The following EXOSC7 variants were observed in gnomAD, a reference collection of about 807,000 sequenced individuals.
EXOSC7 encodes the protein exosome complex component RRP42.
A neutral mutation model predicts 34.3 loss-of-function variants in EXOSC7; 25 were observed. The ratio of observed to expected loss-of-function variants is 0.73; its 90% CI spans 0.53 to 1.02. The LOEUF is 1.02. Ranked by LOEUF, EXOSC7 falls within the 50% of genes least tolerant of loss-of-function variation. The pLI is 0.00. For missense variants in EXOSC7, 370 were observed against 368.5 expected (o/e 1.00, Z -0.03); for synonymous variants, 130 against 143.0 (o/e 0.91, Z 0.65).
chr3:45,001,160 A>T lies in EXOSC7; in HGVS notation c.421-378A>T, dbSNP rs566953065. ...ATAGATTTAGGGAAAGAAAAAAAAA[A>T]ATCGGTGTCCTGGCCGGGCGTGGTG... On this transcript the variant is annotated intron_variant, in intron 4 of 7. Transcript: ENST00000265564. Among the ~76,000 whole-genome samples the T allele has an allele frequency of 1.4e-3, 217 of 152,252 alleles. 3 individuals carry two copies. The highest frequency in any genetic ancestry group is 4.9e-3 in the African/African-American group (202 of 41,554).
chr3:45,005,375 A>G lies in EXOSC7; in HGVS notation c.576A>G (p.Leu192=). 6.2e-7 allele frequency: 1 copy of G among 1,614,136 alleles called. No homozygotes were observed. Among genetic ancestry groups the G allele is most frequent in the Non-Finnish European group, 8.5e-7 (1 of 1,179,986 alleles). Residue 192 remains leucine (L), a synonymous_variant, in exon 6 of 8, where the codon CTA becomes CTG. Coordinates refer to ENST00000265564, the MANE Select transcript of EXOSC7 (RefSeq NM_015004.4). ...LSDDPYDCIR[L]SVENVPCIVT... is the part of the protein sequence containing the mutation. ...ATGACCCTTATGACTGCATACGACT[A>G]AGTGTGGAGAATGTCCCCTGCATTG...
At chr3:45,001,655 C>A in intron 5 of EXOSC7, 47 bp downstream of exon 5, 1 of 1,355,032 alleles carries the variant, frequency 7.4e-7, no homozygotes, top group Non-Finnish European at 1.1e-6. Context: ...AGAACCAGAG[C>A]AGACACTTGT....
intron 5 of EXOSC7, 95 bp from the exon 6 acceptor site, chr3:45,005,196 G>C (rs1188210824): frequency 1.5e-5 from 21 of 1,426,332 alleles, no homozygotes; most frequent in Non-Finnish European, 2.0e-5. Context: ...TCTTTCTCTT[G>C]TGAGACACAG....
At chr3:44,982,214 G>A (rs1224357761) in intron 1 of EXOSC7, among the ~76,000 whole-genome samples, 1 of 152,158 alleles carries the variant, frequency 6.6e-6, no homozygotes, top group Non-Finnish European at 1.5e-5. Context: ...TCAGATCAGA[G>A]ACCAGATTGC....
At chr3:44,976,534 A>C (rs1036249023) in intron 1 of EXOSC7, among the ~76,000 whole-genome samples, 200 bp downstream of exon 1, 9 of 152,096 alleles carry the variant, frequency 5.9e-5, no homozygotes, top group Non-Finnish European at 1.2e-4. Flanking sequence ...GCGCATTTGC[A>C]GTTTTGCGGG....
chr3:44,985,449 T>C (rs746921286), intron 1 of EXOSC7, among the ~76,000 whole-genome samples: 5 of 151,996 alleles, frequency 3.3e-5, no homozygotes, highest in Non-Finnish European at 5.9e-5. Context: ...TCAGATGTGC[T>C]CGGAGTTTCT....
At chr3:44,988,876 A>G (rs570274587) in intron 1 of EXOSC7, among the ~76,000 whole-genome samples, 7 of 152,214 alleles carry the variant, frequency 4.6e-5, no homozygotes, top group South Asian at 2.1e-4. Flanking sequence ...AGATTTTGCA[A>G]TCAGACACAA....
At chr3:44,985,105 G>T (rs1224470633) in intron 1 of EXOSC7, among the ~76,000 whole-genome samples, 1 of 152,230 alleles carries the variant, frequency 6.6e-6, no homozygotes, top group Non-Finnish European at 1.5e-5. Context: ...TAGCTGGGGA[G>T]TGGGGCACAT....
In EXOSC7 at chr3:44,989,658, A is replaced by G. The variant is rs1444297212; in HGVS notation, c.254+14A>G. The G allele has an allele frequency of 7.0e-6, 11 of 1,565,166 alleles. No homozygotes were observed. Among genetic ancestry groups the G allele is most frequent in the Admixed American group, 3.4e-5 (2 of 58,672 alleles). ...CTTTGTTGACTGGTCAGTACTGTCT[A>G]TGCAGATATTTCTAAAGATAAATGA... On this transcript the variant is annotated intron_variant, in intron 3 of 7. Transcript: ENST00000265564.
At chr3:44,991,361 A>G (rs956425383) in intron 3 of EXOSC7, among the ~76,000 whole-genome samples, 4 of 152,022 alleles carry the variant, frequency 2.6e-5, no homozygotes, top group Non-Finnish European at 4.4e-5. Context: ...TCAAGCCCCC[A>G]ACTTATCTTT....
In EXOSC7 at chr3:45,003,348, TGC is replaced by T. The variant is rs750379786; in HGVS notation, c.491+1742_491+1743del. ...TACTGTGCGTGCGTGCGTGCGTGCG[TGC>T]GTGTGTGTGTGTATGTGTGTGTGTA... is the stretch of plus-strand genomic sequence containing the variant. On this transcript the variant is annotated intron_variant, in intron 5 of 7. Transcript: ENST00000265564. 2.9e-3 allele frequency among the ~76,000 whole-genome samples: 79 copies of T among 27,550 alleles called. No individual in the cohort carries two copies. The East Asian group carries it at 0.039, about 14-fold the overall frequency. 18.1% of individuals were successfully genotyped at this position (27,550 alleles called of 152,430 possible). A position where few individuals can be genotyped will look rare whatever the true frequency, so the allele number is the denominator to read the frequency against.
intron 7 of EXOSC7, among the ~76,000 whole-genome samples, chr3:45,009,308 G>A (rs996797405): frequency 6.6e-6 from 1 of 152,178 alleles, no homozygotes; most frequent in Non-Finnish European, 1.5e-5. Context: ...TCTGGAAAAT[G>A]ACTTGGTGGA....
intron 1 of EXOSC7, among the ~76,000 whole-genome samples, chr3:44,983,045 A>T (rs949147581): frequency 6.6e-6 from 1 of 152,224 alleles, no homozygotes; most frequent in Non-Finnish European, 1.5e-5. Context: ...AAAGCAAGTT[A>T]ATGAGGGGTT....
intron 6 of EXOSC7, among the ~76,000 whole-genome samples, chr3:45,005,895 G>A (rs1045300277): frequency 1.3e-5 from 2 of 152,032 alleles, no homozygotes; most frequent in African/African-American, 4.8e-5. Context: ...GCTGCCCCAG[G>A]CTGTGCAAAG....
chr3:45,009,964 C>A (rs1707159898), intron 7 of EXOSC7, among the ~76,000 whole-genome samples: 1 of 152,138 alleles, frequency 6.6e-6, no homozygotes, highest in Non-Finnish European at 1.5e-5. Context: ...GGGATCTCAT[C>A]CCATGTTACA....
intron 4 of EXOSC7, among the ~76,000 whole-genome samples, chr3:44,998,057 A>T (rs1335134661): frequency 9.0e-5 from 12 of 132,788 alleles, no homozygotes; most frequent in African/African-American, 3.2e-4. Context: ...TTTTTTTGAG[A>T]TGGAGTCTTG....
At chr3:44,986,252 T>C (rs1397514514) in intron 1 of EXOSC7, among the ~76,000 whole-genome samples, 1 of 152,106 alleles carries the variant, frequency 6.6e-6, no homozygotes, top group African/African-American at 2.4e-5. Flanking sequence ...CATGGCAGGC[T>C]GCAGATCCGG....
chr3:44,981,277 C>G (rs1193627783), intron 1 of EXOSC7, among the ~76,000 whole-genome samples: 1 of 152,120 alleles, frequency 6.6e-6, no homozygotes, highest in Non-Finnish European at 1.5e-5. Context: ...TTGAATGAGG[C>G]TTTGGAGTCA....
At chr3:45,001,506 TTTTTTCC>T (rs1420214957) in intron 4 of EXOSC7, 25 bp from the exon 5 acceptor site, 1 of 1,565,780 alleles carries the variant, frequency 6.4e-7, no homozygotes, top group Non-Finnish European at 8.8e-7. Flanking sequence ...ATGCTTGGTT[TTTTTTCC>T]TTTTTCAATT....
Sources: gnomAD v4.1 joint callset for allele counts (sites outside exome capture counted in the v4.1 genomes callset) on GRCh38, gnomAD v4.1.1 for gene constraint, MANE v1.5 for transcripts, NCBI Gene and HGNC (gene_info 2026-07-23, HGNC 2026-07-21) for gene names.